PCDH9: variants seen among roughly 807,000 people sequenced by gnomAD.
The protein encoded by PCDH9 is protocadherin 9, also known as protocadherin-9.
In PCDH9, 24 loss-of-function variants were observed where a neutral mutation model predicts 70.6. That is an observed-to-expected ratio of 0.34 (90% CI 0.25 to 0.48). The LOEUF (loss-of-function observed/expected upper bound fraction) is 0.48, where lower values mean the gene tolerates loss of function less well. PCDH9 is among the 20% of genes least tolerant of loss of function. The pLI, the probability that PCDH9 is intolerant of heterozygous loss-of-function variation, is 0.99. For missense variants in PCDH9, 1,281 were observed against 1,503.6 expected (o/e 0.85, Z 2.45); for synonymous variants, 562 against 558.5 (o/e 1.01, Z -0.09).
At chr13:66,648,247 G>C (rs2077799494) in intron 3 of PCDH9, among the ~76,000 whole-genome samples, 1 of 152,214 alleles carries the variant, frequency 6.6e-6, no homozygotes, top group African/African-American at 2.4e-5. Context: ...CAGGCTGGGG[G>C]TGAGACCCAG....
At chr13:66,336,256 A>T (rs1021991137) in intron 4 of PCDH9, among the ~76,000 whole-genome samples, 12 of 151,720 alleles carry the variant, frequency 7.9e-5, no homozygotes, top group African/African-American at 2.9e-4. Context: ...AAGGCTTTGC[A>T]GGATTTTTTT....
In PCDH9 at chr13:66,341,242, A is replaced by G. The variant is rs191668953; in HGVS notation, c.3341-36214T>C. Among the ~76,000 whole-genome samples the G allele has an allele frequency of 2.8e-3, 428 of 152,040 alleles. 4 individuals are homozygous for G. Among genetic ancestry groups the G allele is most frequent in the Admixed American group, 3.7e-3 (57 of 15,242 alleles). On this transcript the variant is annotated intron_variant, in intron 4 of 4. Transcript: ENST00000377865. ...CCCGTAGCTGGGACTACAATCACGC[A>G]TCACCTCAGCCAGCTAATGTTTTAG...
chr13:66,531,309 A>G (rs1365061289), intron 4 of PCDH9, among the ~76,000 whole-genome samples: 1 of 152,036 alleles, frequency 6.6e-6, no homozygotes, highest in African/African-American at 2.4e-5. Flanking sequence ...CTTTATTCCT[A>G]TCGAGTACAA....
intron 2 of PCDH9, among the ~76,000 whole-genome samples, chr13:66,963,438 C>G (rs1002686074): frequency 5.3e-5 from 8 of 152,098 alleles, no homozygotes; most frequent in Non-Finnish European, 8.8e-5. Context: ...CATATTTGCT[C>G]TTTGGTTTAC....
At chr13:66,595,132 C>G (rs571634288) in intron 4 of PCDH9, among the ~76,000 whole-genome samples, 1 of 151,510 alleles carries the variant, frequency 6.6e-6, no homozygotes, top group Non-Finnish European at 1.5e-5. Context: ...CTTAATGGCT[C>G]AGGGATGTCT....
At chr13:66,664,193 T>C (rs1172837951) in intron 3 of PCDH9, among the ~76,000 whole-genome samples, 2 of 152,234 alleles carry the variant, frequency 1.3e-5, no homozygotes, top group Non-Finnish European at 2.9e-5. Flanking sequence ...GAAATTCTCT[T>C]CTGAAAAATT....
intron 3 of PCDH9, among the ~76,000 whole-genome samples, chr13:66,807,125 A>G (rs1006886602): frequency 1.3e-5 from 2 of 152,158 alleles, no homozygotes; most frequent in Admixed American, 1.3e-4. Flanking sequence ...AAATTAGACA[A>G]TCTTCAACCA....
At chr13:66,901,482 A>T (rs1278545066) in intron 3 of PCDH9, among the ~76,000 whole-genome samples, 1 of 151,758 alleles carries the variant, frequency 6.6e-6, no homozygotes, top group East Asian at 1.9e-4. Flanking sequence ...CCATTCAGAG[A>T]AAATGGGCCT....
At chr13:66,404,989 T>C (rs550300411) in intron 4 of PCDH9, among the ~76,000 whole-genome samples, 1 of 152,194 alleles carries the variant, frequency 6.6e-6, no homozygotes, top group Non-Finnish European at 1.5e-5. Context: ...ACAGTAAAAT[T>C]GTTTTTAAAG....
Position 67,226,982 on chromosome 13 carries a change from A to G in PCDH9, c.1459T>C (p.Tyr487His), listed in dbSNP as rs781354891. The G allele has an allele frequency of 6.2e-7, 1 of 1,614,222 alleles. No individual in the cohort carries two copies. Among genetic ancestry groups the G allele is most frequent in the South Asian group, 1.1e-5 (1 of 91,082 alleles). Reference sequence around the variant, plus strand: ...TCTGTGGCACTAATAGTTGTTAAGTATAACCCACGTCGGTTGTTTTCAGAA... The same window carrying G: ...TCTGTGGCACTAATAGTTGTTAAGTGTAACCCACGTCGGTTGTTTTCAGAA... ...SVSENNRRGL[Y>H]LTTISATDED... Residue 487 changes from tyrosine to histidine, a missense_variant, in exon 2 of 5, where the codon TAC (tyrosine) becomes CAC (histidine). Physicochemically the swap from Tyr to His is moderately conservative, Grantham distance 83 (BLOSUM62 2). Transcript: ENST00000377865. The surrounding 1 kb of genome is among the most constrained non-coding windows in gnomAD (Gnocchi z 5.0).
chr13:66,452,773 A>G (rs1958239599), intron 4 of PCDH9, among the ~76,000 whole-genome samples: 1 of 152,158 alleles, frequency 6.6e-6, no homozygotes, highest in South Asian at 2.1e-4. Flanking sequence ...GAGAAGCTCT[A>G]TACATTCGTC....
At chr13:67,119,230 C>T (rs1174418167) in intron 2 of PCDH9, among the ~76,000 whole-genome samples, 1 of 151,914 alleles carries the variant, frequency 6.6e-6, no homozygotes, top group Non-Finnish European at 1.5e-5. Context: ...TTGTTATTGT[C>T]AACATTATTT....
intron 2 of PCDH9, among the ~76,000 whole-genome samples, chr13:66,934,708 C>CTTTT (rs1158291293): frequency 2.5e-4 from 12 of 47,332 alleles, no homozygotes; most frequent in Non-Finnish European, 3.7e-4. Flanking sequence ...CATGTGTTTG[C>CTTTT]TTTTTTTTTT....
At chr13:66,561,424 C>A (rs963762980) in intron 4 of PCDH9, among the ~76,000 whole-genome samples, 6 of 152,206 alleles carry the variant, frequency 3.9e-5, no homozygotes. Context: ...AGGCACAGGA[C>A]TGGCAGGCAG....
chr13:66,707,260 C>T (rs954295089), intron 3 of PCDH9, among the ~76,000 whole-genome samples: 4 of 152,156 alleles, frequency 2.6e-5, no homozygotes. Context: ...AATTTTTTGT[C>T]GTTTTGAACA....
At chr13:66,478,759 A>G (rs1958780114) in intron 4 of PCDH9, among the ~76,000 whole-genome samples, 1 of 152,222 alleles carries the variant, frequency 6.6e-6, no homozygotes, top group Admixed American at 6.5e-5. Context: ...TGCTCATGAG[A>G]TTTAAGGAAA....
At chr13:66,344,522 T>C (rs997972133) in intron 4 of PCDH9, among the ~76,000 whole-genome samples, 2 of 152,208 alleles carry the variant, frequency 1.3e-5, no homozygotes, top group Non-Finnish European at 2.9e-5. Flanking sequence ...TGCTGGTATA[T>C]ATTGGATAAT....
chr13:66,825,569 T>C (rs987006700), intron 3 of PCDH9, among the ~76,000 whole-genome samples: 2 of 151,700 alleles, frequency 1.3e-5, no homozygotes, highest in Non-Finnish European at 2.9e-5. Context: ...TCTCCTGACC[T>C]CGTGATCCGC....
At chr13:66,449,211 T>C (rs17581907) in intron 4 of PCDH9, among the ~76,000 whole-genome samples, 1 of 152,064 alleles carries the variant, frequency 6.6e-6, no homozygotes, top group Non-Finnish European at 1.5e-5. Flanking sequence ...TATTTGAACA[T>C]GTAGCCAGGA....
Sources: allele counts gnomAD v4.1 joint callset (sites outside exome capture counted in the v4.1 genomes callset), GRCh38; gene constraint gnomAD v4.1.1; non-coding constraint Gnocchi (gnomAD v3.1); transcripts MANE v1.5; gene names NCBI Gene and HGNC (gene_info 2026-07-23, HGNC 2026-07-21).